The following LRP2 variants were observed in gnomAD, a reference collection of about 807,000 sequenced individuals.
LRP2 encodes LDL receptor related protein 2, also known as low-density lipoprotein receptor-related protein 2.
Under a neutral mutation model 531.0 loss-of-function variants are expected in LRP2, and 172 were observed. The observed-to-expected ratio is 0.32, with a 90% CI of 0.29 to 0.37. The LOEUF is 0.37. Ranked by LOEUF, LRP2 falls within the 10% of genes least tolerant of loss-of-function variation. LRP2 has a pLI of 1.00. For synonymous variants in LRP2, 1,992 were observed against 2,027.6 expected (o/e 0.98, Z 0.47); for missense variants, 5,167 against 5,868.3 (o/e 0.88, Z 3.90).
At chr2:169,257,627 C>A (rs1355440402) in intron 17 of LRP2, among the ~76,000 whole-genome samples, 2 of 152,012 alleles carry the variant, frequency 1.3e-5, no homozygotes, top group Non-Finnish European at 2.9e-5. Context: ...ACATTTCAAT[C>A]TCTTTCTCTC....
chr2:169,149,174 A>T (rs958820953), intron 68 of LRP2, among the ~76,000 whole-genome samples: 1 of 152,228 alleles, frequency 6.6e-6, no homozygotes, highest in South Asian at 2.1e-4. Flanking sequence ...GATCCTTTGT[A>T]CAATTCAAAT....
intron 24 of LRP2, among the ~76,000 whole-genome samples, chr2:169,242,405 T>A (rs1426220101): frequency 1.3e-5 from 2 of 152,250 alleles, no homozygotes; most frequent in African/African-American, 4.8e-5. Context: ...TGAACCTCCA[T>A]AGAATTTTAT....
intron 65 of LRP2, among the ~76,000 whole-genome samples, chr2:169,155,951 G>A (rs1015588722): frequency 6.6e-6 from 1 of 152,100 alleles, no homozygotes; most frequent in Non-Finnish European, 1.5e-5. Flanking sequence ...TATTGTTTGA[G>A]CCTTAAGAAA....
intron 1 of LRP2, among the ~76,000 whole-genome samples, chr2:169,324,767 C>A (rs1163792479): frequency 6.6e-6 from 1 of 152,012 alleles, no homozygotes; most frequent in South Asian, 2.1e-4. Flanking sequence ...AGTCATTTGC[C>A]TGTTTGTTTT....
At chr2:169,317,358 A>G (rs1559072487) in intron 3 of LRP2, among the ~76,000 whole-genome samples, 1 of 152,200 alleles carries the variant, frequency 6.6e-6, no homozygotes. Context: ...TGAACAACCC[A>G]TCATTTATGC....
At chr2:169,181,296 C>A (rs1687420984) in intron 52 of LRP2, 152 bp downstream of exon 52, 1 of 703,380 alleles carries the variant, frequency 1.4e-6, no homozygotes, top group Admixed American at 2.1e-5. Flanking sequence ...CCATAGAGCT[C>A]AGCAGTTTTA....
chr2:169,345,625 C>T (rs537388249), intron 1 of LRP2, among the ~76,000 whole-genome samples: 1 of 152,116 alleles, frequency 6.6e-6, no homozygotes, highest in East Asian at 1.9e-4. Flanking sequence ...TGTGCACACA[C>T]ACAGCAATTT....
At chr2:169,248,137 CTAA>C (rs1191548900) in intron 19 of LRP2, among the ~76,000 whole-genome samples, 1 of 108,882 alleles carries the variant, frequency 9.2e-6, no homozygotes, top group African/African-American at 3.9e-5. Flanking sequence ...AACCACACTA[CTAA>C]TGTTAGAATG....
intron 48 of LRP2, among the ~76,000 whole-genome samples, chr2:169,188,990 T>G (rs1574112414): frequency 1.3e-5 from 2 of 152,196 alleles, no homozygotes; most frequent in African/African-American, 4.8e-5. Flanking sequence ...AGGCATGCTG[T>G]AGTACTAGAA....
At chr2:169,290,782 G>A (rs143501933) in intron 8 of LRP2, 63 bp downstream of exon 8, 178 of 1,532,082 alleles carry the variant, frequency 1.2e-4, no homozygotes, top group African/African-American at 2.2e-4. Context: ...GTATTTGAAC[G>A]TCTGTTCTAG....
intron 48 of LRP2, 122 bp from the exon 49 acceptor site, chr2:169,188,387 T>A: frequency 1.1e-6 from 1 of 901,540 alleles, no homozygotes; most frequent in Admixed American, 1.9e-5. Context: ...TTCGACAAGA[T>A]CACCAGTGTC....
At chr2:169,339,766 T>C (rs1685513317) in intron 1 of LRP2, among the ~76,000 whole-genome samples, 1 of 152,174 alleles carries the variant, frequency 6.6e-6, no homozygotes, top group Admixed American at 6.5e-5. Flanking sequence ...TGTTTCTGAC[T>C]TGATGATATT....
chr2:169,322,711 A>G (rs936509891), intron 1 of LRP2, among the ~76,000 whole-genome samples: 1 of 152,198 alleles, frequency 6.6e-6, no homozygotes, highest in African/African-American at 2.4e-5. Context: ...AACATAATAC[A>G]TTTGTAAGTT....
chr2:169,146,864 C>G lies in LRP2; in HGVS notation c.12686G>C (p.Gly4229Ala). 1 of 1,614,176 alleles carries G rather than the reference C, an allele frequency of 6.2e-7. No individual in the cohort carries two copies. Among genetic ancestry groups the G allele is most frequent in the Non-Finnish European group, 8.5e-7 (1 of 1,180,032 alleles). ...DRNILVFEDL[G>A]WPTGLSIDYL... Reference sequence around the variant, plus strand: ...ATCGATAGAAAGGCCAGTTGGCCAACCAAGGTCCTCGAAAACCAGGATGTT... The same window carrying G: ...ATCGATAGAAAGGCCAGTTGGCCAAGCAAGGTCCTCGAAAACCAGGATGTT... Residue 4229 changes from glycine to alanine, a missense_variant, in exon 69 of 79, where the codon GGT becomes GCT. By Grantham distance (60) the Gly-to-Ala change is moderately conservative. Coordinates refer to ENST00000649046, the MANE Select transcript of LRP2 (RefSeq NM_004525.3).
intron 63 of LRP2, among the ~76,000 whole-genome samples, chr2:169,158,050 A>C (rs1686404311): frequency 7.1e-6 from 1 of 140,880 alleles, no homozygotes; most frequent in African/African-American, 2.6e-5. Context: ...AACATTGACC[A>C]ATTGATTATA....
intron 14 of LRP2, 87 bp downstream of exon 14, chr2:169,274,949 A>AC: frequency 8.3e-7 from 1 of 1,202,274 alleles, no homozygotes; most frequent in South Asian, 1.2e-5. Flanking sequence ...ATCACATAAG[A>AC]CCCCTCATTA....
At chr2:169,251,117 A>C (rs1326400430) in intron 19 of LRP2, among the ~76,000 whole-genome samples, 2 of 14,142 alleles carry the variant, frequency 1.4e-4, no homozygotes, top group African/African-American at 5.3e-4. Flanking sequence ...CAGGAATTGA[A>C]CTCAGCTCTG....
intron 68 of LRP2, among the ~76,000 whole-genome samples, chr2:169,148,400 T>C (rs375830656): frequency 1.6e-4 from 25 of 152,318 alleles, no homozygotes; most frequent in African/African-American, 5.1e-4. Context: ...ACTCTGCATA[T>C]ACCAAAAGCC....
intron 24 of LRP2, among the ~76,000 whole-genome samples, chr2:169,242,227 A>AGTTTG (rs1432928720): frequency 1.3e-5 from 2 of 152,188 alleles, no homozygotes; most frequent in African/African-American, 2.4e-5. Context: ...ACAAATGATC[A>AGTTTG]ACTCACTGAT....
Sources: allele counts gnomAD v4.1 joint callset (sites outside exome capture counted in the v4.1 genomes callset), GRCh38; gene constraint gnomAD v4.1.1; transcripts MANE v1.5; gene names NCBI Gene and HGNC (gene_info 2026-07-23, HGNC 2026-07-21).